Variants in CMIP observed in about 807,000 individuals in gnomAD.
CMIP encodes c-Maf inducing protein.
CMIP carries 13 observed loss-of-function variants against 97.3 expected under a neutral mutation model. The ratio of observed to expected loss-of-function variants is 0.13; its 90% CI spans 0.09 to 0.21. The LOEUF is 0.21. Ranked by LOEUF, CMIP falls within the 10% of genes least tolerant of loss-of-function variation. The pLI is 1.00. For synonymous variants in CMIP, 538 were observed against 436.3 expected (o/e 1.23, Z -2.91); for missense variants, 847 against 1,024.9 (o/e 0.83, Z 2.37).
At chr16:81,636,832 C>G (rs1231547653) in intron 3 of CMIP, among the ~76,000 whole-genome samples, 2 of 151,920 alleles carry the variant, frequency 1.3e-5, no homozygotes, top group East Asian at 3.9e-4. Flanking sequence ...TGTCACCAGC[C>G]GGACTTGGTC....
At position 81,607,470 on chromosome 16, in the gene CMIP, G is replaced by A. The variant is rs1318613164; in HGVS notation, c.301-97G>A. ...CCTGCACCAGCTCCATTTGCCTGTCGCCAGAGGGGCGATGTTTCCAAAACC... is the reference window on the plus strand; with the variant it reads ...CCTGCACCAGCTCCATTTGCCTGTCACCAGAGGGGCGATGTTTCCAAAACC... On this transcript the variant is annotated intron_variant, in intron 1 of 20. Transcript: ENST00000537098. The A allele has an allele frequency of 3.4e-6, 5 of 1,492,334 alleles. No individual in the cohort carries two copies. The African/African-American group carries it at 4.1e-5, about 12-fold the overall frequency. The allele number at this position is 1,492,334 out of a possible 1,614,324, so 92.4% of individuals were successfully genotyped here. A position where few individuals can be genotyped will look rare whatever the true frequency, so the allele number is the denominator to read the frequency against.
chr16:81,450,080 C>T (rs374381441), intron 1 of CMIP, among the ~76,000 whole-genome samples: 4 of 152,124 alleles, frequency 2.6e-5, no homozygotes, highest in Non-Finnish European at 4.4e-5. Context: ...AGTGTCTCAT[C>T]GGGCAGTGAG....
intron 1 of CMIP, among the ~76,000 whole-genome samples, chr16:81,579,149 G>C (rs73596499): frequency 0.041 from 6,233 of 152,260 alleles, 431 homozygotes; most frequent in African/African-American, 0.14. Flanking sequence ...CATGGGGATG[G>C]CACCCCCCTG....
chr16:81,510,042 A>G (rs1053815162), intron 1 of CMIP, among the ~76,000 whole-genome samples: 5 of 152,152 alleles, frequency 3.3e-5, no homozygotes, highest in Non-Finnish European at 5.9e-5. Context: ...AGGATTTTAG[A>G]TGAGGATGCT....
In CMIP at chr16:81,672,006, C is replaced by T. The variant is rs1384824876; in HGVS notation, c.970C>T (p.Leu324=). ...AGGGCACTGCCCCCACCCCCGGGTC[C>T]TGCCCAACCTGGTGGCCGTGTGCCT... ...PTGHCPHPRV[L]PNLVAVCLAA... is the part of the protein sequence containing the mutation. The change falls in exon 9 of 21, where the codon CTG becomes TTG. Residue 324 remains leucine, a synonymous_variant. Transcript: ENST00000537098. The T allele has an allele frequency of 1.2e-6, 2 of 1,605,288 alleles. No homozygotes were observed. The highest frequency in any genetic ancestry group is 1.7e-5 in the Admixed American group (1 of 59,084).
At chr16:81,682,001 A>C (rs2151063426) in intron 10 of CMIP, among the ~76,000 whole-genome samples, 1 of 151,722 alleles carries the variant, frequency 6.6e-6, no homozygotes, top group Non-Finnish European at 1.5e-5. Context: ...TTGAGGCCTC[A>C]AGACCAGCCT....
intron 3 of CMIP, among the ~76,000 whole-genome samples, chr16:81,638,948 A>T (rs2092270411): frequency 6.6e-6 from 1 of 152,008 alleles, no homozygotes; most frequent in Non-Finnish European, 1.5e-5. Context: ...CTGTTTTTCC[A>T]CTGCACTCAG....
At chr16:81,689,700 T>G (rs13338628) in intron 10 of CMIP, among the ~76,000 whole-genome samples, 19,547 of 152,254 alleles carry the variant, frequency 0.13, 1,499 homozygotes, top group African/African-American at 0.21. Flanking sequence ...TGCCATTGCT[T>G]TTGGTATTTT....
chr16:81,507,910 C>T (rs146692226), intron 1 of CMIP, among the ~76,000 whole-genome samples: 3 of 152,290 alleles, frequency 2.0e-5, no homozygotes, highest in African/African-American at 7.2e-5. Flanking sequence ...GACACTGGCC[C>T]AGCCTGCTGG....
chr16:81,515,218 T>C (rs1407346559), intron 1 of CMIP, among the ~76,000 whole-genome samples: 1 of 152,210 alleles, frequency 6.6e-6, no homozygotes, highest in Non-Finnish European at 1.5e-5. Context: ...TTCTGGGCTC[T>C]AGGGCTGAAG....
intron 9 of CMIP, among the ~76,000 whole-genome samples, chr16:81,672,484 C>T (rs1223991701): frequency 6.6e-6 from 1 of 152,130 alleles, no homozygotes; most frequent in African/African-American, 2.4e-5. Context: ...AATATGTGCC[C>T]GTGTGTTGGG....
chr16:81,511,926 A>T (rs1012073939), intron 1 of CMIP, among the ~76,000 whole-genome samples: 5 of 152,218 alleles, frequency 3.3e-5, no homozygotes, highest in Admixed American at 3.3e-4. Context: ...GTCGCTGAGC[A>T]CTTGAAATGA....
intron 1 of CMIP, among the ~76,000 whole-genome samples, chr16:81,513,892 C>T (rs559468155): frequency 8.5e-5 from 13 of 152,336 alleles, no homozygotes; most frequent in South Asian, 2.1e-4. Context: ...ATATTTGCTG[C>T]GCTTCCCTCA....
Position 81,672,083 on chromosome 16 carries a change from A to AC in CMIP, c.1034+15dup, listed in dbSNP as rs2092688425. The AC allele has an allele frequency of 6.7e-7, 1 of 1,495,690 alleles. No homozygotes were observed. The highest frequency in any genetic ancestry group is 1.4e-5 in the African/African-American group (1 of 72,516). 92.7% of individuals were successfully genotyped at this position (1,495,690 alleles called of 1,614,324 possible). A position where few individuals can be genotyped will look rare whatever the true frequency, so the allele number is the denominator to read the frequency against. On this transcript the variant is annotated intron_variant, in intron 9 of 20. Coordinates refer to ENST00000537098, the MANE Select transcript of CMIP (RefSeq NM_198390.3). ...AGTTCATCAACAGGTCAGTTGCTGA[A>AC]CCACCGCCACCCAGAGGGCTTGGGA...
At chr16:81,579,646 G>A (rs9933726) in intron 1 of CMIP, among the ~76,000 whole-genome samples, 11,364 of 152,162 alleles carry the variant, frequency 0.075, 907 homozygotes, top group African/African-American at 0.2. Context: ...AACACCTCCC[G>A]CTGAGTGTCA....
rs1372133790 is a variant in CMIP, at chr16:81,445,472, C to G, written c.231C>G (p.Thr77=). ...GGACCTTTCTCAGCAAGATCCTCAC[C>G]TCGAAATTCCTGAGGCGCTGGGAGC... ...HPRTFLSKIL[T]SKFLRRWEPH... is the part of the protein sequence containing the mutation. Residue 77 remains threonine, a synonymous_variant, in exon 1 of 21, where the codon ACC becomes ACG. Transcript: ENST00000537098. The G allele has an allele frequency of 6.4e-7, 1 of 1,564,006 alleles. No individual in the cohort carries two copies. The highest frequency in any genetic ancestry group is 8.7e-7 in the Non-Finnish European group (1 of 1,154,490).
At chr16:81,604,230 C>G (rs2091703820) in intron 1 of CMIP, among the ~76,000 whole-genome samples, 1 of 150,942 alleles carries the variant, frequency 6.6e-6, no homozygotes, top group Non-Finnish European at 1.5e-5. Flanking sequence ...CCCATCTCTA[C>G]TAAAAATACT....
chr16:81,611,189 G>T (rs1033202940), intron 2 of CMIP, among the ~76,000 whole-genome samples: 3 of 152,234 alleles, frequency 2.0e-5, no homozygotes, highest in African/African-American at 4.8e-5. Context: ...GCCAAAGGCT[G>T]CTGTGTTGGA....
intron 1 of CMIP, chr16:81,519,547 G>A (rs536928367): frequency 6.6e-6 from 1 of 152,232 alleles, no homozygotes; most frequent in Non-Finnish European, 1.5e-5. Context: ...GGAGGGGAAG[G>A]ACCTTGACTG....
Sources: allele counts gnomAD v4.1 joint callset (sites outside exome capture counted in the v4.1 genomes callset), GRCh38; gene constraint gnomAD v4.1.1; transcripts MANE v1.5; gene names NCBI Gene and HGNC (gene_info 2026-07-23, HGNC 2026-07-21).